The following SAMMSON variants were observed in gnomAD, a reference collection of about 807,000 sequenced individuals.
The protein encoded by SAMMSON is long intergenic non-protein coding RNA 1212.
At chr3:70,322,247 G>T (rs570806605) in intron 7 of SAMMSON, among the ~76,000 whole-genome samples, 1 of 152,050 alleles carries the variant, frequency 6.6e-6, no homozygotes, top group Non-Finnish European at 1.5e-5. Context: ...ATTATTGACC[G>T]AGGTATGATT....
At position 70,429,439 on chromosome 3, in the gene SAMMSON, G is replaced by T. The variant is rs185460570; in HGVS notation, n.234-33121G>T. Among the ~76,000 whole-genome samples the T allele has an allele frequency of 7.9e-5, 12 of 152,194 alleles. No homozygotes were observed. The East Asian group carries it at 2.3e-3, about 29-fold the overall frequency. On this transcript the variant is annotated intron_variant and non_coding_transcript_variant, in intron 2 of 3. Coordinates refer to the SAMMSON transcript ENST00000641053. Reference sequence around the variant, plus strand: ...TGTTCTTTTTGCTTAGGATTGTCTTGGCTATACAGGCTCTTTTTTGGTTCC... The same window carrying T: ...TGTTCTTTTTGCTTAGGATTGTCTTTGCTATACAGGCTCTTTTTTGGTTCC...
intron 4 of SAMMSON, among the ~76,000 whole-genome samples, chr3:70,083,836 T>C (rs1446426392): frequency 3.3e-5 from 5 of 152,120 alleles, no homozygotes; most frequent in Non-Finnish European, 5.9e-5. Flanking sequence ...TCCCTCTGTA[T>C]ATATATTTTT....
At chr3:70,187,715 C>T (rs1448467558) in intron 4 of SAMMSON, among the ~76,000 whole-genome samples, 1 of 151,820 alleles carries the variant, frequency 6.6e-6, no homozygotes. Flanking sequence ...GGATTACAGG[C>T]CTGAGCCACC....
chr3:70,078,185 C>G (rs1050283804), intron 4 of SAMMSON, among the ~76,000 whole-genome samples: 1 of 152,120 alleles, frequency 6.6e-6, no homozygotes. Flanking sequence ...ACAGGAGAAT[C>G]TCATGCCCGT....
intron 7 of SAMMSON, among the ~76,000 whole-genome samples, chr3:70,347,703 G>A (rs918907444): frequency 3.9e-5 from 6 of 152,190 alleles, no homozygotes; most frequent in East Asian, 1.9e-4. Context: ...ATACCCTAGT[G>A]TGTGGAAACA....
intron 2 of SAMMSON, among the ~76,000 whole-genome samples, chr3:70,421,433 T>C (rs1701312835): frequency 6.6e-6 from 1 of 152,148 alleles, no homozygotes; most frequent in East Asian, 1.9e-4. Flanking sequence ...ATAGAAAAGC[T>C]AGATCTTAGG....
intron 4 of SAMMSON, among the ~76,000 whole-genome samples, chr3:70,210,012 A>C (rs1412287200): frequency 6.6e-6 from 1 of 152,106 alleles, no homozygotes; most frequent in African/African-American, 2.4e-5. Context: ...TAACAGAATT[A>C]ATTAACAATC....
intron 4 of SAMMSON, among the ~76,000 whole-genome samples, chr3:70,239,701 A>C (rs927906465): frequency 6.6e-6 from 1 of 151,980 alleles, no homozygotes; most frequent in Non-Finnish European, 1.5e-5. Context: ...CTATTTCATC[A>C]TTTCTCTCCT....
At chr3:70,376,492 T>C (rs754346267) in intron 9 of SAMMSON, among the ~76,000 whole-genome samples, 1 of 152,212 alleles carries the variant, frequency 6.6e-6, no homozygotes, top group Non-Finnish European at 1.5e-5. Flanking sequence ...ACACATACAT[T>C]GGTGCTATGT....
chr3:70,308,633 G>C (rs753018690), intron 7 of SAMMSON, among the ~76,000 whole-genome samples: 1 of 152,158 alleles, frequency 6.6e-6, no homozygotes, highest in Non-Finnish European at 1.5e-5. Context: ...TGAATGAGAT[G>C]AATGAATAAT....
intron 4 of SAMMSON, among the ~76,000 whole-genome samples, chr3:70,121,981 C>T (rs1026040364): frequency 2.6e-5 from 4 of 152,086 alleles, no homozygotes; most frequent in East Asian, 1.9e-4. Context: ...AGGGACACCA[C>T]CATTGACCAG....
intron 4 of SAMMSON, among the ~76,000 whole-genome samples, chr3:70,195,114 G>C (rs1701163161): frequency 1.3e-5 from 2 of 152,158 alleles, no homozygotes; most frequent in Non-Finnish European, 2.9e-5. Context: ...TCACTGTGTG[G>C]TCTTGAATAA....
At chr3:70,073,766 C>T (rs1321230270) in intron 4 of SAMMSON, among the ~76,000 whole-genome samples, 2 of 152,020 alleles carry the variant, frequency 1.3e-5, no homozygotes. Context: ...GAAAGAGCAG[C>T]ATATTATAAG....
chr3:70,314,656 C>T (rs1702484027), intron 7 of SAMMSON, among the ~76,000 whole-genome samples: 2 of 152,048 alleles, frequency 1.3e-5, no homozygotes, highest in South Asian at 2.1e-4. Context: ...AGCTACTAGT[C>T]CTCCCAGTTT....
intron 4 of SAMMSON, among the ~76,000 whole-genome samples, chr3:70,086,144 G>A (rs1576118145): frequency 6.6e-6 from 1 of 152,196 alleles, no homozygotes. Flanking sequence ...AAGAAAACCA[G>A]TGAAGGAAGC....
chr3:70,167,362 C>A (rs991260939), intron 4 of SAMMSON, among the ~76,000 whole-genome samples: 5 of 151,950 alleles, frequency 3.3e-5, no homozygotes, highest in Admixed American at 3.3e-4. Context: ...AAATAGTGAG[C>A]AGAATTCTAA....
intron 6 of SAMMSON, among the ~76,000 whole-genome samples, chr3:70,284,713 G>T (rs1322363811): frequency 6.6e-6 from 1 of 152,128 alleles, no homozygotes; most frequent in East Asian, 1.9e-4. Context: ...CATGGCCACA[G>T]GGAGGGAAAC....
chr3:70,431,252 C>T (rs953009464), intron 2 of SAMMSON, among the ~76,000 whole-genome samples: 1 of 151,980 alleles, frequency 6.6e-6, no homozygotes, highest in African/African-American at 2.4e-5. Context: ...TCAAATTTTA[C>T]ATTTTTAAGA....
chr3:70,433,725 A>G (rs1333856052), intron 2 of SAMMSON, among the ~76,000 whole-genome samples: 1 of 152,154 alleles, frequency 6.6e-6, no homozygotes, highest in Non-Finnish European at 1.5e-5. Context: ...AAAAATCAAC[A>G]AACCCAAGGT....
Sources: allele counts gnomAD v4.1 joint callset (sites outside exome capture counted in the v4.1 genomes callset), GRCh38; gene constraint gnomAD v4.1.1; transcripts MANE v1.5; gene names NCBI Gene and HGNC (gene_info 2026-07-23, HGNC 2026-07-21).